RNF6: variants seen among roughly 807,000 people sequenced by gnomAD.
The protein encoded by RNF6 is E3 ubiquitin-protein ligase RNF6.
A neutral mutation model predicts 50.1 loss-of-function variants in RNF6; 21 were observed. The observed-to-expected ratio is 0.42, with a 90% CI of 0.30 to 0.60. RNF6 has a LOEUF of 0.60. Ranked by LOEUF, RNF6 falls within the 20% of genes least tolerant of loss-of-function variation. RNF6 has a pLI of 0.20. For synonymous variants in RNF6, 255 were observed against 291.8 expected (o/e 0.87, Z 1.29); for missense variants, 698 against 838.2 (o/e 0.83, Z 2.07).
chr13:26,185,574 G>A (rs1002170395), intron 5 of RNF6, among the ~76,000 whole-genome samples: 17 of 151,992 alleles, frequency 1.1e-4, no homozygotes, highest in Non-Finnish European at 1.2e-4. Flanking sequence ...GTGAAACCCC[G>A]TCTCTACTAA....
In RNF6 at chr13:26,162,512, G is replaced by A. The variant is rs115221674; in HGVS notation, n.769-30061C>T. Reference sequence around the variant, plus strand: ...CCTCTCCTGTGTCTCCTTTTTTGCTGCACCTGACTGATCATCTCATGGAAG... The same window carrying A: ...CCTCTCCTGTGTCTCCTTTTTTGCTACACCTGACTGATCATCTCATGGAAG... On this transcript the variant is annotated intron_variant and non_coding_transcript_variant, in intron 5 of 5. Transcript: ENST00000468480. 9.5e-3 allele frequency among the ~76,000 whole-genome samples: 1,439 copies of A among 152,164 alleles called. 17 individuals are homozygous for A. The highest frequency in any genetic ancestry group is 0.033 in the African/African-American group (1,368 of 41,518).
chr13:26,182,984 AC>A (rs1873313885), intron 5 of RNF6, among the ~76,000 whole-genome samples: 1 of 152,072 alleles, frequency 6.6e-6, no homozygotes, highest in African/African-American at 2.4e-5. Context: ...GGAGATTTGT[AC>A]CCTTTGGATA....
chr13:26,182,890 A>C (rs1430818953), intron 5 of RNF6, among the ~76,000 whole-genome samples: 1 of 152,194 alleles, frequency 6.6e-6, no homozygotes, highest in Non-Finnish European at 1.5e-5. Flanking sequence ...AACAGATTTG[A>C]AAAAAGAATT....
At chr13:26,169,082 G>C (rs7987427) in intron 5 of RNF6, among the ~76,000 whole-genome samples, 113,072 of 151,944 alleles carry the variant, frequency 0.74, 42,343 homozygotes, top group East Asian at 0.8. Flanking sequence ...CTGGGAAAAG[G>C]CTGCACTCCC....
At chr13:26,147,218 TTTGA>T (rs1871297078) in intron 5 of RNF6, among the ~76,000 whole-genome samples, 1 of 152,166 alleles carries the variant, frequency 6.6e-6, no homozygotes, top group South Asian at 2.1e-4. Context: ...AAGTATTTCT[TTTGA>T]AGTGTAGTAC....
intron 5 of RNF6, among the ~76,000 whole-genome samples, chr13:26,181,325 G>T (rs971819155): frequency 6.6e-6 from 1 of 152,202 alleles, no homozygotes; most frequent in African/African-American, 2.4e-5. Flanking sequence ...GGAACACCAA[G>T]ATTGGGATGC....
At chr13:26,163,867 C>T (rs747088890) in intron 5 of RNF6, among the ~76,000 whole-genome samples, 4 of 152,100 alleles carry the variant, frequency 2.6e-5, no homozygotes, top group African/African-American at 7.2e-5. Context: ...CTGACCCTGC[C>T]GCTTAACAGC....
At chr13:26,166,981 C>T (rs575921101) in intron 5 of RNF6, among the ~76,000 whole-genome samples, 36 of 152,176 alleles carry the variant, frequency 2.4e-4, no homozygotes, top group Non-Finnish European at 4.3e-4. Flanking sequence ...GAACTTAAGT[C>T]AATTAAACCT....
chr13:26,136,463 C>T (rs114920288), intron 5 of RNF6, among the ~76,000 whole-genome samples: 1,845 of 152,248 alleles, frequency 0.012, 33 homozygotes, highest in African/African-American at 0.043. Flanking sequence ...TCCATTTAAC[C>T]TCAACAGTTA....
rs566563163 is a variant in RNF6 at position 26,156,502 on chromosome 13, A to G, written n.769-24051T>C. ...ATTATAGTTAAAATGCCACATATGT[A>G]TTTGTCAAGAGAGCTGTGTGCATAT... On this transcript the variant is annotated intron_variant and non_coding_transcript_variant, in intron 5 of 5. Coordinates refer to the RNF6 transcript ENST00000468480. Among the ~76,000 whole-genome samples the G allele has an allele frequency of 2.2e-3, 332 of 152,346 alleles. 2 individuals carry two copies. The highest frequency in any genetic ancestry group is 4.1e-3 in the Admixed American group (63 of 15,298).
chr13:26,152,882 C>T (rs572954502), intron 5 of RNF6, among the ~76,000 whole-genome samples: 13 of 152,172 alleles, frequency 8.5e-5, no homozygotes, highest in Non-Finnish European at 1.6e-4. Context: ...TGGCCGGGCG[C>T]GGTGGCTCAC....
chr13:26,136,700 T>C (rs769344295), intron 5 of RNF6, among the ~76,000 whole-genome samples: 3 of 152,130 alleles, frequency 2.0e-5, no homozygotes, highest in African/African-American at 4.8e-5. Flanking sequence ...TTAATTTAAC[T>C]GGTTGAGACA....
chr13:26,184,251 T>C (rs138294612), intron 5 of RNF6, among the ~76,000 whole-genome samples: 3,579 of 151,898 alleles, frequency 0.024, 153 homozygotes, highest in African/African-American at 0.081. Context: ...CAGGATGGTC[T>C]CGATCTCCTG....
At chr13:26,147,905 C>G (rs1383878297) in intron 5 of RNF6, among the ~76,000 whole-genome samples, 1 of 152,194 alleles carries the variant, frequency 6.6e-6, no homozygotes, top group Non-Finnish European at 1.5e-5. Context: ...GACATTAGGA[C>G]AACATGTCAA....
At chr13:26,187,430 T>C (rs1873608953) in intron 5 of RNF6, among the ~76,000 whole-genome samples, 1 of 152,126 alleles carries the variant, frequency 6.6e-6, no homozygotes, top group Non-Finnish European at 1.5e-5. Context: ...GAAAAATGCC[T>C]CTTTTCTGGA....
In RNF6 at chr13:26,213,966, T is replaced by C. The variant is rs1210173112; in HGVS notation, c.1916A>G (p.Tyr639Cys). 6.2e-6 allele frequency: 10 copies of C among 1,614,102 alleles called. No homozygotes were observed. The highest frequency in any genetic ancestry group is 1.7e-5 in the Admixed American group (1 of 60,006). The change falls in exon 5 of 5, where the codon TAT (tyrosine) becomes TGT (cysteine). Residue 639 changes from tyrosine to cysteine, a missense_variant. Coordinates refer to ENST00000381588, the MANE Select transcript of RNF6 (RefSeq NM_005977.4). Reference sequence around the variant, plus strand: ...TTGCCTGAGCTTGTTTCCAGTTACATAGTCACTAATACAAACACTACAGAT... The same window carrying C: ...TTGCCTGAGCTTGTTTCCAGTTACACAGTCACTAATACAAACACTACAGAT... ...GKICSVCISD[Y>C]VTGNKLRQLP...
chr13:26,154,677 A>C (rs754866921), intron 5 of RNF6, among the ~76,000 whole-genome samples: 7 of 152,216 alleles, frequency 4.6e-5, no homozygotes, highest in Non-Finnish European at 8.8e-5. Flanking sequence ...AGGTGTACAT[A>C]TATGTTAAGG....
intron 5 of RNF6, among the ~76,000 whole-genome samples, chr13:26,173,008 C>T (rs913887190): frequency 2.0e-5 from 3 of 151,940 alleles, no homozygotes; most frequent in African/African-American, 7.3e-5. Context: ...GGAGAAAAGC[C>T]AGGTGGATCA....
At chr13:26,222,525 C>CTA (rs975362121), upstream of RNF6, 4 of 152,334 alleles carry the variant, frequency 2.6e-5, no homozygotes, top group African/African-American at 9.6e-5. Flanking sequence ...GCCAGCCAGA[C>CTA]TATAAAGTGC....
Sources: allele counts gnomAD v4.1 joint callset (sites outside exome capture counted in the v4.1 genomes callset), GRCh38; gene constraint gnomAD v4.1.1; transcripts MANE v1.5; gene names NCBI Gene and HGNC (gene_info 2026-07-23, HGNC 2026-07-21).